The following FAM53C variants were observed in gnomAD, a reference collection of about 807,000 sequenced individuals.
FAM53C encodes family with sequence similarity 53 member C, also known as protein FAM53C.
Under a neutral mutation model 34.7 loss-of-function variants are expected in FAM53C, and 10 were observed. The ratio of observed to expected loss-of-function variants is 0.29; its 90% CI spans 0.18 to 0.49. FAM53C has a LOEUF of 0.49. FAM53C is among the 20% of genes least tolerant of loss of function. The pLI is 0.99. For missense variants in FAM53C, 442 were observed against 515.3 expected (o/e 0.86, Z 1.38); for synonymous variants, 203 against 203.6 (o/e 1.00, Z 0.03).
upstream of FAM53C, chr5:138,337,641 G>C (rs1458472005): frequency 3.2e-6 from 1 of 311,968 alleles, no homozygotes; most frequent in East Asian, 1.1e-4. Context: ...ACAGAACCAA[G>C]TGGAAACGTC....
chr5:138,341,168 TC>T lies in FAM53C; in HGVS notation c.-152-13del. ...CATCTCTAATATCACTTGGGGCTGG[TC>T]CCTCTAATTGGCAGACTCAGCAGGC... On this transcript the variant is annotated splice_polypyrimidine_tract_variant and intron_variant, in intron 1 of 4. Transcript: ENST00000239906. 1 of 741,432 alleles carries T rather than the reference TC, an allele frequency of 1.3e-6. No individual in the cohort carries two copies. The highest frequency in any genetic ancestry group is 2.5e-6 in the Non-Finnish European group (1 of 398,608). 45.9% of individuals were successfully genotyped at this position (741,432 alleles called of 1,614,324 possible). A position where few individuals can be genotyped will look rare whatever the true frequency, so the allele number is the denominator to read the frequency against.
At position 138,345,926 on chromosome 5, in the gene FAM53C, G is replaced by A. The variant is rs1429461465; in HGVS notation, c.921+317G>A. Among the ~76,000 whole-genome samples the A allele has an allele frequency of 6.6e-6, 1 of 152,186 alleles. No individual in the cohort carries two copies. The highest frequency in any genetic ancestry group is 1.5e-5 in the Non-Finnish European group (1 of 68,038). On this transcript the variant is annotated intron_variant, in intron 4 of 4. Coordinates refer to ENST00000239906, the MANE Select transcript of FAM53C (RefSeq NM_016605.3). The surrounding 1 kb of genome is among the most constrained non-coding windows in gnomAD (Gnocchi z 6.3). ...TTCCCTCCTTTCCAAGAATGCACAA[G>A]CTGCAAAAAATTCCATCAGTACCTA... is the stretch of plus-strand genomic sequence containing the variant.
chr5:138,344,956 C>T lies in FAM53C; in HGVS notation c.268C>T (p.Gln90Ter), dbSNP rs1276496966. 2 of 1,614,156 alleles carry T rather than the reference C, an allele frequency of 1.2e-6. No individual in the cohort carries two copies. The highest frequency in any genetic ancestry group is 1.7e-6 in the Non-Finnish European group (2 of 1,180,024). ...CAGTCGGGGAAACTCCCCCAAGGAG[C>T]AGCCCTTCTCCCAAGTCCTAAGACC... ...PPSRGNSPKE[Q>*]PFSQVLRPEP... is the part of the protein sequence containing the mutation. Residue 90 changes from glutamine (Q) to a stop codon, truncating the protein, a stop_gained, in exon 4 of 5, where the codon CAG becomes TAG. Transcript: ENST00000239906. LOFTEE classifies it high-confidence loss of function.
chr5:138,348,823 C>G lies in FAM53C; in HGVS notation c.*1864C>G, dbSNP rs1761248066. 1 of 152,350 alleles carries G rather than the reference C, an allele frequency of 6.6e-6. No homozygotes were observed. Among genetic ancestry groups the G allele is most frequent in the Non-Finnish European group, 1.5e-5 (1 of 68,138 alleles). The allele number at this position is 152,350 out of a possible 1,614,324, so 9.4% of individuals were successfully genotyped here. On this transcript the variant is annotated 3_prime_UTR_variant, in exon 5 of 5. Coordinates refer to ENST00000239906, the MANE Select transcript of FAM53C (RefSeq NM_016605.3). The stretch of plus-strand genomic sequence containing the variant: ...TGCCCATCTATGGTTTCATTCCTCC[C>G]CTGGCTCTTCTCCCTCTTCAGGCCA...
At chr5:138,338,445 C>G (rs2126880938) in intron 1 of FAM53C, 138 bp downstream of exon 1, 2 of 333,924 alleles carry the variant, frequency 6.0e-6, no homozygotes, top group South Asian at 4.4e-5. Flanking sequence ...GGGGAGAGCA[C>G]GGGACCCGGT....
Position 138,347,101 on chromosome 5 carries a change from G to A in FAM53C, c.*142G>A, listed in dbSNP as rs186348210. ...ACTCAGGGCAGCTGGAAATCTTCTC[G>A]CTCCAGCAAGCTCGACCATGCCAAG... On this transcript the variant is annotated 3_prime_UTR_variant, in exon 5 of 5. Transcript: ENST00000239906. The A allele has an allele frequency of 1.7e-5, 19 of 1,147,450 alleles. No individual in the cohort carries two copies. Among genetic ancestry groups the A allele is most frequent in the South Asian group, 7.3e-5 (5 of 68,330 alleles). 71.1% of individuals were successfully genotyped at this position (1,147,450 alleles called of 1,614,324 possible).
chr5:138,346,887 G>A lies in FAM53C; in HGVS notation c.1107G>A (p.Gln369=), dbSNP rs537387014. Residue 369 remains glutamine, a synonymous_variant, in exon 5 of 5, where the codon CAG becomes CAA. Coordinates refer to ENST00000239906, the MANE Select transcript of FAM53C (RefSeq NM_016605.3). The stretch of plus-strand genomic sequence containing the variant: ...AGGGGGCTGTGCGGTGGGGTCGGCA[G>A]GCGCTGAGCAAGCGGACACTGTGCC... ...EEEGAVRWGR[Q]ALSKRTLCQR... The A allele has an allele frequency of 6.2e-6, 10 of 1,614,076 alleles. No individual in the cohort carries two copies. Among genetic ancestry groups the A allele is most frequent in the Non-Finnish European group, 8.5e-6 (10 of 1,180,062 alleles).
intron 3 of FAM53C, 77 bp downstream of exon 3, chr5:138,341,943 G>T (rs1761045606): frequency 4.1e-6 from 6 of 1,470,418 alleles, no homozygotes; most frequent in Non-Finnish European, 5.7e-6. Flanking sequence ...GGTTTCCAGT[G>T]ACCAGGGCTA....
rs921208167 is a variant in FAM53C at position 138,341,752 on chromosome 5, A to G, written c.79-57A>G. On this transcript the variant is annotated intron_variant, in intron 2 of 4. Coordinates refer to ENST00000239906, the MANE Select transcript of FAM53C (RefSeq NM_016605.3). ...AGAGGAGAACTGAAGAGGGCTTCCT[A>G]GAAATCTGTCAGTGTGTCCTGAATC... The G allele has an allele frequency of 2.0e-6, 3 of 1,517,244 alleles. No homozygotes were observed. The African/African-American group carries it at 4.1e-5, about 21-fold the overall frequency. 94.0% of individuals were successfully genotyped at this position (1,517,244 alleles called of 1,614,324 possible).
Position 138,345,696 on chromosome 5 carries a change from C to G in FAM53C, c.921+87C>G, listed in dbSNP as rs1450005054. On this transcript the variant is annotated intron_variant, in intron 4 of 4. Coordinates refer to ENST00000239906, the MANE Select transcript of FAM53C (RefSeq NM_016605.3). The surrounding 1 kb of genome is among the most constrained non-coding windows in gnomAD (Gnocchi z 6.3). ...TTGAGCTAGCCCCTAGCTTCATTAC[C>G]CTGCCGCCCCCACCACCAACAGCAC... The G allele has an allele frequency of 1.4e-6, 2 of 1,444,594 alleles. No homozygotes were observed. The highest frequency in any genetic ancestry group is 4.5e-5 in the Admixed American group (2 of 44,850). The allele number at this position is 1,444,594 out of a possible 1,614,324, so 89.5% of individuals were successfully genotyped here. A position where few individuals can be genotyped will look rare whatever the true frequency, so the allele number is the denominator to read the frequency against.
chr5:138,338,830 A>G (rs770543119), intron 1 of FAM53C, among the ~76,000 whole-genome samples: 12 of 152,124 alleles, frequency 7.9e-5, no homozygotes, highest in Non-Finnish European at 1.5e-4. Context: ...GTTTTTCTTC[A>G]GTCTCCCCAG....
intron 3 of FAM53C, 26 bp downstream of exon 3, chr5:138,341,892 C>A: frequency 6.2e-7 from 1 of 1,609,490 alleles, no homozygotes; most frequent in South Asian, 1.1e-5. Context: ...TGTTTGTGTA[C>A]GTGTGTGTAC....
intron 1 of FAM53C, among the ~76,000 whole-genome samples, chr5:138,340,326 G>T (rs1429833719): frequency 6.6e-6 from 1 of 152,136 alleles, no homozygotes; most frequent in African/African-American, 2.4e-5. Flanking sequence ...ACATTCTCTG[G>T]TAAGCTGTCA....
In FAM53C at chr5:138,345,687, C is replaced by T. The variant is rs1216969497; in HGVS notation, c.921+78C>T. The T allele has an allele frequency of 9.4e-6, 14 of 1,492,294 alleles. No homozygotes were observed. In the East Asian group the frequency reaches 2.7e-4, roughly 29 times the overall value. 92.4% of individuals were successfully genotyped at this position (1,492,294 alleles called of 1,614,324 possible). The stretch of plus-strand genomic sequence containing the variant: ...TTTCCACTTTTGAGCTAGCCCCTAG[C>T]TTCATTACCCTGCCGCCCCCACCAC... On this transcript the variant is annotated intron_variant, in intron 4 of 4. Coordinates refer to ENST00000239906, the MANE Select transcript of FAM53C (RefSeq NM_016605.3). The surrounding 1 kb of genome is among the most constrained non-coding windows in gnomAD (Gnocchi z 6.3).
At chr5:138,344,772 C>T in intron 3 of FAM53C, 53 bp from the exon 4 acceptor site, 2 of 1,456,424 alleles carry the variant, frequency 1.4e-6, no homozygotes, top group Non-Finnish European at 1.8e-6. Context: ...ATGGTAAGTT[C>T]TTAAAAAATG....
chr5:138,338,846 G>A (rs1760921363), intron 1 of FAM53C, among the ~76,000 whole-genome samples: 1 of 152,248 alleles, frequency 6.6e-6, no homozygotes. Flanking sequence ...CCCAGGAGGT[G>A]TGGGGCTGGG....
intron 3 of FAM53C, among the ~76,000 whole-genome samples, chr5:138,343,222 G>T (rs927029853): frequency 2.0e-5 from 3 of 150,974 alleles, no homozygotes; most frequent in Admixed American, 1.3e-4. Context: ...ACATAAAACT[G>T]TAGTGGGCCA....
chr5:138,347,185 C>T lies in FAM53C; in HGVS notation c.*226C>T, dbSNP rs562620186. 2.1e-4 allele frequency: 128 copies of T among 607,900 alleles called. 1 individual carries two copies. The highest frequency in any genetic ancestry group is 1.5e-4 in the Non-Finnish European group (54 of 354,592). The allele number at this position is 607,900 out of a possible 1,614,324, so 37.7% of individuals were successfully genotyped here. ...GCGGGAGGGACAGCCCCAGAGCAGA[C>T]CCTTCCTATGGCGGCCCTGAGTGTG... On this transcript the variant is annotated 3_prime_UTR_variant, in exon 5 of 5. Transcript: ENST00000239906.
intron 2 of FAM53C, 177 bp from the exon 3 acceptor site, chr5:138,341,632 A>T (rs1217881182): frequency 2.8e-6 from 2 of 725,488 alleles, no homozygotes; most frequent in African/African-American, 3.5e-5. Context: ...AGGGTTTGAG[A>T]TGTTGGAAGA....
Sources: gnomAD v4.1 joint callset for allele counts (sites outside exome capture counted in the v4.1 genomes callset) on GRCh38, gnomAD v4.1.1 for gene constraint, Gnocchi (gnomAD v3.1) non-coding constraint, MANE v1.5 for transcripts, NCBI Gene and HGNC (gene_info 2026-07-23, HGNC 2026-07-21) for gene names.